The following ZNF362 variants were observed in gnomAD, a reference collection of about 807,000 sequenced individuals.
The protein encoded by ZNF362 is rotund homolog.
A neutral mutation model predicts 42.9 loss-of-function variants in ZNF362; 11 were observed. The observed-to-expected ratio is 0.26, with a 90% confidence interval of 0.16 to 0.42. The LOEUF (loss-of-function observed/expected upper bound fraction) is 0.42, where lower values mean the gene tolerates loss of function less well. ZNF362 is among the 20% of genes least tolerant of loss of function. The probability of loss-of-function intolerance (pLI) is 1.00; values close to 1 mark genes in which losing one functional copy is unlikely to be tolerated. For synonymous variants in ZNF362, 255 were observed against 257.3 expected, an observed-to-expected ratio of 0.99 and a Z score of 0.09; for missense variants, 362 against 576.2, an observed-to-expected ratio of 0.63 and a Z score of 3.81.
chr1:33,238,574 G>A, the ZNF362 span, among the ~76,000 whole-genome samples: 1 of 151,992 alleles, frequency 6.6e-6, no homozygotes, highest in African/African-American at 2.4e-5. Flanking sequence ...CAGCTAGAAA[G>A]GAAGGGTCAT....
chr1:33,146,074 TG>T, the ZNF362 span: 1 of 352,198 alleles, frequency 2.8e-6, no homozygotes, highest in Non-Finnish European at 5.7e-6. Flanking sequence ...TTCCTGCAGA[TG>T]GGGGCAGCTT....
At chr1:33,262,882 G>A (rs925405441) in intron 1 of ZNF362, among the ~76,000 whole-genome samples, 4 of 152,236 alleles carry the variant, frequency 2.6e-5, no homozygotes, top group African/African-American at 9.6e-5. Context: ...GTCTGCTGGA[G>A]TGTGCATGCA....
chr1:33,159,640 C>T, the ZNF362 span: 285 of 1,572,444 alleles, frequency 1.8e-4, no homozygotes, highest in Admixed American at 1.5e-4. This position sits in a 1 kb window ranked among gnomAD's most constrained non-coding sequence, Gnocchi z 4.2. Context: ...CAGCATGGGT[C>T]GAGGAGGGGA....
the ZNF362 span, among the ~76,000 whole-genome samples, chr1:33,220,277 A>G: frequency 6.6e-6 from 1 of 152,132 alleles, no homozygotes; most frequent in East Asian, 1.9e-4. Context: ...CTTCTATTCC[A>G]TTGTTTTTAT....
At chr1:33,189,696 T>TAC in the ZNF362 span, among the ~76,000 whole-genome samples, 12 of 94,238 alleles carry the variant, frequency 1.3e-4, no homozygotes, top group East Asian at 1.6e-3. Context: ...TATATATATA[T>TAC]ACACATATAT....
intron 8 of ZNF362, 145 bp from the exon 9 acceptor site, chr1:33,298,785 C>G (rs1646143127): frequency 1.4e-6 from 1 of 701,812 alleles, no homozygotes; most frequent in African/African-American, 1.7e-5. Context: ...ATGGCCGACG[C>G]CCATCTGACC....
At chr1:33,147,009 G>T in the ZNF362 span, 2 of 658,886 alleles carry the variant, frequency 3.0e-6, no homozygotes, top group East Asian at 2.7e-5. This position sits in a 1 kb window ranked among gnomAD's most constrained non-coding sequence, Gnocchi z 8.1. Context: ...GAGAGTTTAG[G>T]AAGTAGGGAA....
At chr1:33,290,804 C>G (rs1298281141) in intron 6 of ZNF362, among the ~76,000 whole-genome samples, 2 of 152,256 alleles carry the variant, frequency 1.3e-5, no homozygotes, top group East Asian at 3.8e-4. Context: ...TTGCATTTCT[C>G]TGATGGCCAG....
chr1:33,216,553 T>C, the ZNF362 span, among the ~76,000 whole-genome samples: 8 of 120,032 alleles, frequency 6.7e-5, no homozygotes, highest in Admixed American at 8.5e-4. Context: ...TGAGCCGAGA[T>C]TGTGCCATTG....
chr1:33,178,841 G>A, the ZNF362 span, among the ~76,000 whole-genome samples: 2 of 152,216 alleles, frequency 1.3e-5, no homozygotes, highest in South Asian at 4.1e-4. Context: ...GGTAATACAT[G>A]TTCAATTTCT....
At chr1:33,228,483 A>G in the ZNF362 span, among the ~76,000 whole-genome samples, 1 of 152,162 alleles carries the variant, frequency 6.6e-6, no homozygotes, top group Non-Finnish European at 1.5e-5. Context: ...CAACATATCC[A>G]ACACCAAACT....
At chr1:33,198,557 C>T in the ZNF362 span, among the ~76,000 whole-genome samples, 1 of 152,062 alleles carries the variant, frequency 6.6e-6, no homozygotes, top group African/African-American at 2.4e-5. Flanking sequence ...GTTTCAGCTA[C>T]TTAGGAGGCT....
the ZNF362 span, among the ~76,000 whole-genome samples, chr1:33,134,898 C>A: frequency 1.3e-5 from 2 of 152,230 alleles, no homozygotes; most frequent in Admixed American, 6.5e-5. Context: ...CTGGCCTCAG[C>A]CTCACCAGCC....
intron 4 of ZNF362, among the ~76,000 whole-genome samples, chr1:33,279,911 A>G (rs1473562566): frequency 6.6e-6 from 1 of 152,114 alleles, no homozygotes; most frequent in Admixed American, 6.5e-5. Flanking sequence ...TATAGTTTGA[A>G]TTTTTCCAAA....
At chr1:33,286,739 C>G (rs1356319304) in intron 6 of ZNF362, among the ~76,000 whole-genome samples, 1 of 152,148 alleles carries the variant, frequency 6.6e-6, no homozygotes, top group Admixed American at 6.6e-5. Context: ...AAGAAACAAC[C>G]AGATTCCAGA....
chr1:33,218,298 G>A, the ZNF362 span, among the ~76,000 whole-genome samples: 1 of 152,130 alleles, frequency 6.6e-6, no homozygotes, highest in South Asian at 2.1e-4. Flanking sequence ...AAAATTAGCT[G>A]GGCATGGTGG....
At chr1:33,165,380 AGGCCCCGCCCCTCTTCCCCAGCT>A in the ZNF362 span, 3 of 1,217,096 alleles carry the variant, frequency 2.5e-6, no homozygotes, top group Admixed American at 2.3e-5. The surrounding 1 kb of genome is among the most constrained non-coding windows in gnomAD (Gnocchi z 4.0). Context: ...CGCACACCCG[AGGCCCCGCCCCTCTTCCCCAGCT>A]GGCCCCGCCC....
chr1:33,181,550 G>A, the ZNF362 span: 1 of 1,425,440 alleles, frequency 7.0e-7, no homozygotes, highest in Non-Finnish European at 9.1e-7. This position sits in a 1 kb window ranked among gnomAD's most constrained non-coding sequence, Gnocchi z 6.5. Context: ...ACAGGCAGGG[G>A]TAGGAGCTAC....
the ZNF362 span, among the ~76,000 whole-genome samples, chr1:33,230,660 T>C: frequency 6.6e-6 from 1 of 152,276 alleles, no homozygotes; most frequent in South Asian, 2.1e-4. Flanking sequence ...GGAACACGAT[T>C]TGCATCCTGC....
Sources: gnomAD v4.1 joint callset for allele counts (sites outside exome capture counted in the v4.1 genomes callset) on GRCh38, gnomAD v4.1.1 for gene constraint, Gnocchi (gnomAD v3.1) non-coding constraint, MANE v1.5 for transcripts, NCBI Gene and HGNC (gene_info 2026-07-23, HGNC 2026-07-21) for gene names.